BPIFB3: variants seen among roughly 807,000 people sequenced by gnomAD.
BPIFB3 encodes BPI fold containing family B member 3.
A neutral mutation model predicts 53.1 loss-of-function variants in BPIFB3; 49 were observed. That is an observed-to-expected ratio of 0.92 (90% CI 0.73 to 1.17). The LOEUF (loss-of-function observed/expected upper bound fraction) is 1.17, where lower values mean the gene tolerates loss of function less well. BPIFB3 is among the 50% of genes most tolerant of loss of function. BPIFB3 has a pLI of 0.00. For synonymous variants in BPIFB3, 271 were observed against 269.6 expected, an observed-to-expected ratio of 1.01 and a Z score of -0.05; for missense variants, 628 against 592.5, an observed-to-expected ratio of 1.06 and a Z score of -0.62.
chr20:33,071,206 G>A, intron 11 of BPIFB3, 47 bp from the exon 13 acceptor site: 1 of 1,527,102 alleles, frequency 6.5e-7, no homozygotes, highest in Non-Finnish European at 8.8e-7. Flanking sequence ...TGGGACAGGG[G>A]TGGTTGGGGG....
rs1980693674 is a variant in BPIFB3, at chr20:33,066,878, G to A, written c.978+1G>A. 5 of 1,613,892 alleles carry A rather than the reference G, an allele frequency of 3.1e-6. No individual in the cohort carries two copies. Among genetic ancestry groups the A allele is most frequent in the Admixed American group, 1.7e-5 (1 of 60,016 alleles). Reference sequence around the variant, plus strand: ...AGACCTGGCAGCTTTGCTCCCTGAGGTGAGTGACGCTCTCATGGGTTTTGA... The same window carrying A: ...AGACCTGGCAGCTTTGCTCCCTGAGATGAGTGACGCTCTCATGGGTTTTGA... On this transcript the variant is annotated splice_donor_variant, in intron 9 of 14. Transcript: ENST00000375494. LOFTEE classifies it high-confidence loss of function.
chr20:33,055,658 G>A, intron 1 of BPIFB3, 111 bp downstream of exon 2: 1 of 1,479,956 alleles, frequency 6.8e-7, no homozygotes, highest in South Asian at 1.2e-5. Flanking sequence ...GTGATTCTCA[G>A]CTGCTTAGAG....
At position 33,072,683 on chromosome 20, in the gene BPIFB3, T is replaced by G. The variant is rs11700200; in HGVS notation, c.1325-34T>G. On this transcript the variant is annotated intron_variant, in intron 13 of 14. Transcript: ENST00000375494. ...CTAGGGTCCAAGAGCTCCCCACCAATGTACCTTTGTTTTCAACGATTCTCT... is the reference window on the plus strand; with the variant it reads ...CTAGGGTCCAAGAGCTCCCCACCAAGGTACCTTTGTTTTCAACGATTCTCT... 1.6e-4 allele frequency: 259 copies of G among 1,583,518 alleles called. No individual in the cohort carries two copies. The African/African-American group carries it at 3.2e-3, about 19-fold the overall frequency.
At chr20:33,062,795 A>G (rs552576404) in intron 5 of BPIFB3, among the ~76,000 whole-genome samples, 27 of 152,306 alleles carry the variant, frequency 1.8e-4, no homozygotes, top group African/African-American at 5.8e-4. Context: ...GGTACCTCCC[A>G]TCTGGTGCTC....
intron 5 of BPIFB3, among the ~76,000 whole-genome samples, chr20:33,062,154 G>A (rs999472818): frequency 1.3e-5 from 2 of 152,206 alleles, no homozygotes; most frequent in Non-Finnish European, 2.9e-5. Flanking sequence ...ATGAAAATTG[G>A]ATCACTTGGT....
chr20:33,070,068 T>C (rs1362390741), intron 11 of BPIFB3, 113 bp downstream of exon 12: 2 of 1,228,536 alleles, frequency 1.6e-6, no homozygotes, highest in African/African-American at 3.0e-5. Flanking sequence ...CAGGTGTTTT[T>C]CCAGCATCCT....
chr20:33,064,617 TG>T, intron 7 of BPIFB3, 48 bp from the exon 9 acceptor site: 1 of 1,613,034 alleles, frequency 6.2e-7, no homozygotes, highest in Non-Finnish European at 8.5e-7. Flanking sequence ...TCAAGGCAGG[TG>T]GGTGAGCACC....
In BPIFB3 at chr20:33,055,601, A is replaced by G. The variant is rs1034617011; in HGVS notation, c.124+54A>G. Reference sequence around the variant, plus strand: ...GGGCTGCTGCAATGTCAACGACTCAATCTATATGCTTAGAGCATCTGCTTT... The same window carrying G: ...GGGCTGCTGCAATGTCAACGACTCAGTCTATATGCTTAGAGCATCTGCTTT... On this transcript the variant is annotated intron_variant, in intron 1 of 14. Transcript: ENST00000375494. 8.1e-6 allele frequency: 13 copies of G among 1,609,606 alleles called. No homozygotes were observed. The African/African-American group carries it at 1.7e-4, about 21-fold the overall frequency.
chr20:33,071,995 G>A, intron 12 of BPIFB3, 109 bp from the exon 14 acceptor site: 1 of 1,144,264 alleles, frequency 8.7e-7, no homozygotes, highest in Non-Finnish European at 1.3e-6. Flanking sequence ...GCTTGGGGGA[G>A]GCTGAGGCAG....
intron 1 of BPIFB3, 140 bp downstream of exon 2, chr20:33,055,687 T>C: frequency 7.8e-7 from 1 of 1,284,224 alleles, no homozygotes; most frequent in Non-Finnish European, 1.1e-6. Context: ...CTCCTGGGAG[T>C]AGCTGTGCAG....
intron 10 of BPIFB3, 117 bp from the exon 12 acceptor site, chr20:33,069,771 T>A: frequency 9.7e-7 from 1 of 1,025,990 alleles, no homozygotes; most frequent in Non-Finnish European, 1.5e-6. Context: ...GCACAGACCC[T>A]GACACACAGT....
intron 11 of BPIFB3, 28 bp from the exon 13 acceptor site, chr20:33,071,225 G>GGGGGGGGGGC: frequency 8.4e-7 from 1 of 1,193,720 alleles, no homozygotes; most frequent in Non-Finnish European, 1.1e-6. Context: ...GGTAGCGGGG[G>GGGGGGGGGGC]CCCCAGCATC....
chr20:33,056,544 A>G (rs1308728411), exon 2 of BPIFB3: 1 of 1,613,896 alleles, frequency 6.2e-7, no homozygotes, highest in East Asian at 2.2e-5. Context: ...CTCTGCAGCC[A>G]TCCAGAACTC....
chr20:33,065,961 G>A (rs962746713), intron 8 of BPIFB3, among the ~76,000 whole-genome samples: 34 of 152,346 alleles, frequency 2.2e-4, no homozygotes, highest in African/African-American at 8.2e-4. Context: ...GAGACTCTGC[G>A]TGTAAGAACG....
Position 33,068,489 on chromosome 20 carries a change from C to T in BPIFB3, c.979-314C>T, listed in dbSNP as rs138630204. ...GTGGCCAGTGAGTCTGGAGGGAGAA[C>T]GCAGGGCAGCAGCGGGAGGAGAGCA... is the stretch of plus-strand genomic sequence containing the variant. On this transcript the variant is annotated intron_variant, in intron 9 of 14. Transcript: ENST00000375494. 9.7e-4 allele frequency among the ~76,000 whole-genome samples: 148 copies of T among 152,266 alleles called. 1 individual carries two copies. Among genetic ancestry groups the T allele is most frequent in the East Asian group, 5.2e-3 (27 of 5,182 alleles).
chr20:33,063,758 C>A, intron 6 of BPIFB3, 83 bp downstream of exon 7: 1 of 1,403,576 alleles, frequency 7.1e-7, no homozygotes, highest in Non-Finnish European at 9.8e-7. Flanking sequence ...CGAAGGGGAG[C>A]CAGAAGCGGC....
intron 9 of BPIFB3, among the ~76,000 whole-genome samples, chr20:33,068,258 G>A (rs1416350267): frequency 6.6e-6 from 1 of 152,252 alleles, no homozygotes; most frequent in African/African-American, 2.4e-5. Context: ...AGAGCATGGA[G>A]TGGCGAAGCT....
downstream of BPIFB3, chr20:33,073,672 T>A: frequency 6.4e-7 from 1 of 1,573,260 alleles, no homozygotes; most frequent in Middle Eastern, 1.7e-4. Flanking sequence ...CTGCCTCAAT[T>A]TCCCTCCCAG....
At chr20:33,069,254 G>A (rs1980790021) in intron 10 of BPIFB3, among the ~76,000 whole-genome samples, 1 of 152,036 alleles carries the variant, frequency 6.6e-6, no homozygotes, top group Non-Finnish European at 1.5e-5. Flanking sequence ...CATCTCCCCA[G>A]CCTCTCTGCC....
Sources: gnomAD v4.1 joint callset for allele counts (sites outside exome capture counted in the v4.1 genomes callset) on GRCh38, gnomAD v4.1.1 for gene constraint, MANE v1.5 for transcripts, NCBI Gene and HGNC (gene_info 2026-07-23, HGNC 2026-07-21) for gene names.